STK24: variants seen among roughly 807,000 people sequenced by gnomAD.
STK24 encodes serine/threonine kinase 24.
Under a neutral mutation model 55.6 loss-of-function variants are expected in STK24, and 21 were observed. The observed-to-expected ratio is 0.38, with a 90% confidence interval of 0.27 to 0.54. STK24 has a LOEUF of 0.54. Among genes scored for constraint, STK24 ranks in the 20% least tolerant of loss-of-function variants. STK24 has a pLI of 0.79. For synonymous variants in STK24, 200 were observed against 215.2 expected, an observed-to-expected ratio of 0.93 and a Z score of 0.62; for missense variants, 383 against 538.4, an observed-to-expected ratio of 0.71 and a Z score of 2.86.
At chr13:98,511,015 G>T (rs1895861532) in intron 2 of STK24, among the ~76,000 whole-genome samples, 1 of 152,116 alleles carries the variant, frequency 6.6e-6, no homozygotes, top group Non-Finnish European at 1.5e-5. Flanking sequence ...TAATAAAAGA[G>T]ATAGACAGTG....
chr13:98,552,402 C>T (rs1056373461), intron 1 of STK24, among the ~76,000 whole-genome samples: 1 of 152,014 alleles, frequency 6.6e-6, no homozygotes, highest in African/African-American at 2.4e-5. Flanking sequence ...CAAGTGGCTA[C>T]GGGACAGCAG....
intron 6 of STK24, among the ~76,000 whole-genome samples, 192 bp downstream of exon 6, chr13:98,466,181 AAGG>A (rs1183223420): frequency 6.6e-6 from 1 of 152,254 alleles, no homozygotes; most frequent in Non-Finnish European, 1.5e-5. Context: ...AAAAGAAAAT[AAGG>A]AGATTTTTAA....
intron 1 of STK24, among the ~76,000 whole-genome samples, chr13:98,572,940 A>G (rs1451440485): frequency 6.6e-6 from 1 of 152,188 alleles, no homozygotes; most frequent in Non-Finnish European, 1.5e-5. Flanking sequence ...TAAATATACC[A>G]CAACAGCACA....
intron 2 of STK24, among the ~76,000 whole-genome samples, chr13:98,504,377 T>C (rs1048463440): frequency 2.2e-4 from 33 of 152,206 alleles, no homozygotes; most frequent in African/African-American, 7.7e-4. Flanking sequence ...AAAATGCAGA[T>C]TTCTGGTCCA....
chr13:98,554,391 G>C (rs1474677201), intron 1 of STK24, among the ~76,000 whole-genome samples: 6 of 152,074 alleles, frequency 3.9e-5, no homozygotes, highest in Admixed American at 1.3e-4. Flanking sequence ...AACAACACAG[G>C]CGCTCCAATG....
chr13:98,481,020 T>G (rs986873411), intron 3 of STK24, among the ~76,000 whole-genome samples: 2 of 152,324 alleles, frequency 1.3e-5, no homozygotes, highest in East Asian at 3.9e-4. Context: ...CCGCCTATCA[T>G]CCAGGACCCA....
intron 1 of STK24, among the ~76,000 whole-genome samples, chr13:98,563,285 C>T (rs1897477073): frequency 6.6e-6 from 1 of 152,204 alleles, no homozygotes; most frequent in Non-Finnish European, 1.5e-5. Context: ...ACTTCAATCG[C>T]ATCCTCTGCC....
At chr13:98,539,791 G>C (rs1409230263) in intron 1 of STK24, among the ~76,000 whole-genome samples, 1 of 152,136 alleles carries the variant, frequency 6.6e-6, no homozygotes, top group African/African-American at 2.4e-5. Context: ...AAAAGGTTAA[G>C]CATAAAACTA....
intron 9 of STK24, among the ~76,000 whole-genome samples, chr13:98,458,311 T>C (rs1293090552): frequency 6.6e-6 from 1 of 152,098 alleles, no homozygotes; most frequent in Non-Finnish European, 1.5e-5. Flanking sequence ...CAGAAGAGGC[T>C]CTTTGTGATG....
chr13:98,567,730 C>G (rs905166537), intron 1 of STK24, among the ~76,000 whole-genome samples: 2 of 152,160 alleles, frequency 1.3e-5, no homozygotes, highest in African/African-American at 2.4e-5. Flanking sequence ...TTGGAATTTC[C>G]TCACCTGCCT....
chr13:98,516,990 T>C (rs1263203868), intron 2 of STK24, among the ~76,000 whole-genome samples: 3 of 152,222 alleles, frequency 2.0e-5, no homozygotes, highest in Non-Finnish European at 4.4e-5. Context: ...ATATGTACTG[T>C]GGCCGCTATA....
Position 98,537,919 on chromosome 13 carries a change from G to A in STK24, c.43-18446C>T, listed in dbSNP as rs1018781976. Among the ~76,000 whole-genome samples the A allele has an allele frequency of 5.3e-5, 8 of 152,160 alleles. 1 individual carries two copies. Among genetic ancestry groups the A allele is most frequent in the African/African-American group, 1.7e-4 (7 of 41,446 alleles). ...GGCTGTGGGATGAACCTGCTGAGGGGCTCAGGGCTCCGCTGCATGGCCCAA... is the reference window on the plus strand; with the variant it reads ...GGCTGTGGGATGAACCTGCTGAGGGACTCAGGGCTCCGCTGCATGGCCCAA... On this transcript the variant is annotated intron_variant, in intron 1 of 10. Transcript: ENST00000539966.
chr13:98,535,247 G>T (rs1472484017), intron 1 of STK24, among the ~76,000 whole-genome samples: 1 of 148,720 alleles, frequency 6.7e-6, no homozygotes, highest in East Asian at 1.9e-4. Flanking sequence ...TGAGGCAGGA[G>T]AATCACTTGA....
Position 98,482,330 on chromosome 13 carries a change from C to CAA in STK24, c.274-11_274-10dup. ...ATCCATAATTTTGTATCCTATAAAA[C>CAA]AAAAAAAAGAAGAGAATCATTTTCA... is the stretch of plus-strand genomic sequence containing the variant. On this transcript the variant is annotated splice_polypyrimidine_tract_variant and intron_variant, in intron 2 of 10. Transcript: ENST00000539966. 1 of 1,484,940 alleles carries CAA rather than the reference C, an allele frequency of 6.7e-7. No homozygotes were observed. Among genetic ancestry groups the CAA allele is most frequent in the Admixed American group, 2.1e-5 (1 of 47,942 alleles). 92.0% of individuals were successfully genotyped at this position (1,484,940 alleles called of 1,614,324 possible). A position where few individuals can be genotyped will look rare whatever the true frequency, so the allele number is the denominator to read the frequency against.
intron 10 of STK24, 112 bp downstream of exon 10, chr13:98,457,056 G>A: frequency 3.7e-6 from 5 of 1,333,496 alleles, no homozygotes; most frequent in Non-Finnish European, 5.0e-6. Flanking sequence ...CCTGAGGCCT[G>A]CAAGATAACA....
At chr13:98,554,627 C>A (rs1373644147) in intron 1 of STK24, among the ~76,000 whole-genome samples, 1 of 152,136 alleles carries the variant, frequency 6.6e-6, no homozygotes, top group Admixed American at 6.6e-5. Context: ...AAGGTGAAGA[C>A]CAGCCTGAGC....
intron 10 of STK24, chr13:98,455,172 A>G (rs1165293049): frequency 6.6e-6 from 1 of 152,234 alleles, no homozygotes; most frequent in African/African-American, 2.4e-5. Flanking sequence ...TGGCAGGTTA[A>G]AAAATGTATT....
chr13:98,509,194 A>G (rs897344510), intron 2 of STK24, among the ~76,000 whole-genome samples: 6 of 152,276 alleles, frequency 3.9e-5, no homozygotes, highest in Admixed American at 3.3e-4. Flanking sequence ...CCTAATGGTT[A>G]AGAACATACA....
rs1304929221 is a variant in STK24, at chr13:98,452,484, T to G, written c.*689A>C. On this transcript the variant is annotated 3_prime_UTR_variant, in exon 11 of 11. Coordinates refer to ENST00000539966, the MANE Select transcript of STK24 (RefSeq NM_001032296.4). ...GCAAACGGGGAAAATTTGCATTTGT[T>G]GAGGTACAAATAGGAGTGTTCTGTA... 1.3e-5 allele frequency: 2 copies of G among 152,636 alleles called. No individual in the cohort carries two copies. Among genetic ancestry groups the G allele is most frequent in the Admixed American group, 6.5e-5 (1 of 15,288 alleles). The allele number at this position is 152,636 out of a possible 1,614,324, so 9.5% of individuals were successfully genotyped here.
Sources: gnomAD v4.1 joint callset for allele counts (sites outside exome capture counted in the v4.1 genomes callset) on GRCh38, gnomAD v4.1.1 for gene constraint, MANE v1.5 for transcripts, NCBI Gene and HGNC (gene_info 2026-07-23, HGNC 2026-07-21) for gene names.